The following ERI1 variants were observed in gnomAD, a reference collection of about 807,000 sequenced individuals.
ERI1 encodes the protein 3'-5' exoribonuclease 1.
A neutral mutation model predicts 39.7 loss-of-function variants in ERI1; 39 were observed. That is an observed-to-expected ratio of 0.98 (90% CI 0.76 to 1.28). The LOEUF (loss-of-function observed/expected upper bound fraction) is 1.28, where lower values mean the gene tolerates loss of function less well. Ranked by LOEUF, ERI1 falls within the 50% of genes most tolerant of loss-of-function variation. ERI1 has a pLI of 0.00. For missense variants in ERI1, 581 were observed against 416.9 expected, an observed-to-expected ratio of 1.39 and a Z score of -3.43; for synonymous variants, 204 against 149.6, an observed-to-expected ratio of 1.36 and a Z score of -2.65.
Position 9,025,700 on chromosome 8 carries a change from T to TGTGTG in ERI1, c.808-4092_808-4091insGTGTG, listed in dbSNP as rs1554519247. On this transcript the variant is annotated intron_variant, in intron 6 of 6. Transcript: ENST00000250263. ...AGGACTTTTCATTTTAATCTTTTTT[T>TGTGTG]TTTGTGTGTGTGTGTGTGTGTGTGT... Among the ~76,000 whole-genome samples, 12 of 81,570 alleles carry TGTGTG rather than the reference T, an allele frequency of 1.5e-4. No homozygotes were observed. In the East Asian group the frequency reaches 4.4e-3, roughly 30 times the overall value. The allele number at this position is 81,570 out of a possible 152,430, so 53.5% of individuals were successfully genotyped here.
intron 3 of ERI1, among the ~76,000 whole-genome samples, chr8:9,097,480 C>T (rs1173544658): frequency 6.6e-6 from 1 of 151,860 alleles, no homozygotes. Flanking sequence ...ACCAGCCTGG[C>T]CAACATGGTA....
chr8:9,089,612 C>G (rs1799642122), intron 3 of ERI1, among the ~76,000 whole-genome samples: 1 of 152,138 alleles, frequency 6.6e-6, no homozygotes. Context: ...CTGGCTCTAC[C>G]TTCAGAACTC....
chr8:9,037,513 T>A (rs1472037852), downstream of ERI1, among the ~76,000 whole-genome samples: 1 of 151,822 alleles, frequency 6.6e-6, no homozygotes, highest in Non-Finnish European at 1.5e-5. Flanking sequence ...TTTTTTTTTC[T>A]GTTTCCCCAA....
chr8:9,011,081 C>T (rs996179126), intron 2 of ERI1, among the ~76,000 whole-genome samples: 1 of 151,990 alleles, frequency 6.6e-6, no homozygotes, highest in African/African-American at 2.4e-5. Context: ...CCTACAAAAG[C>T]CAAAAGAAAG....
At chr8:9,005,043 A>C (rs1231626014) in intron 1 of ERI1, among the ~76,000 whole-genome samples, 2 of 152,168 alleles carry the variant, frequency 1.3e-5, no homozygotes, top group Non-Finnish European at 2.9e-5. Flanking sequence ...TCAGGTGGTA[A>C]ATTTCCATTA....
intron 6 of ERI1, among the ~76,000 whole-genome samples, chr8:9,021,630 C>G (rs373911299): frequency 6.6e-6 from 1 of 152,082 alleles, no homozygotes; most frequent in African/African-American, 2.4e-5. Context: ...GGAGTTAACC[C>G]TAATTCTTCC....
At chr8:9,004,105 G>T in intron 1 of ERI1, 1 of 1,289,216 alleles carries the variant, frequency 7.8e-7, no homozygotes, top group Non-Finnish European at 1.0e-6. Flanking sequence ...CTTTGACATT[G>T]GAAAGAAGGT....
At chr8:9,013,883 G>C (rs1280966133) in intron 3 of ERI1, among the ~76,000 whole-genome samples, 1 of 152,094 alleles carries the variant, frequency 6.6e-6, no homozygotes, top group Admixed American at 6.6e-5. Context: ...CCAGAACCCA[G>C]TCACTTAACT....
chr8:9,015,639 G>A (rs908783080), intron 3 of ERI1, among the ~76,000 whole-genome samples: 5 of 149,160 alleles, frequency 3.4e-5, no homozygotes, highest in African/African-American at 1.2e-4. Flanking sequence ...GGAGAATGGC[G>A]TGAACCTGGG....
downstream of ERI1, among the ~76,000 whole-genome samples, chr8:9,036,318 C>T (rs1797844059): frequency 6.6e-6 from 1 of 152,156 alleles, no homozygotes; most frequent in Non-Finnish European, 1.5e-5. Context: ...TCATTGTTGT[C>T]TCATTTTGAG....
At chr8:9,083,362 C>T (rs932391773) in intron 3 of ERI1, among the ~76,000 whole-genome samples, 2 of 152,040 alleles carry the variant, frequency 1.3e-5, no homozygotes, top group African/African-American at 4.8e-5. Context: ...GAAAGCATAC[C>T]GTAACAAGAG....
chr8:9,027,577 C>T (rs1258887226), intron 6 of ERI1, among the ~76,000 whole-genome samples: 2 of 152,058 alleles, frequency 1.3e-5, no homozygotes, highest in Non-Finnish European at 2.9e-5. Context: ...AAGCCTTTTC[C>T]ATATGTTTTA....
intron 1 of ERI1, among the ~76,000 whole-genome samples, chr8:9,006,465 T>G (rs140545919): frequency 2.0e-5 from 3 of 152,220 alleles, no homozygotes; most frequent in African/African-American, 4.8e-5. Flanking sequence ...TTAAATTAAC[T>G]GAGACATCTG....
chr8:9,031,517 A>G lies in ERI1; in HGVS notation c.*1483A>G, dbSNP rs1011679975. On this transcript the variant is annotated 3_prime_UTR_variant, in exon 7 of 7. Transcript: ENST00000250263. ...TTAACTCTTAGGATAAGAGGGATGT[A>G]TGCTGAGATGTTTGTGCATCCCAGA... 1 of 152,240 alleles carries G rather than the reference A, an allele frequency of 6.6e-6. No individual in the cohort carries two copies. The highest frequency in any genetic ancestry group is 2.4e-5 in the African/African-American group (1 of 41,466). The allele number at this position is 152,240 out of a possible 1,614,324, so 9.4% of individuals were successfully genotyped here.
chr8:9,071,723 T>G (rs566110396), intron 3 of ERI1, among the ~76,000 whole-genome samples: 1 of 152,138 alleles, frequency 6.6e-6, no homozygotes, highest in Non-Finnish European at 1.5e-5. Flanking sequence ...CATCACACCT[T>G]TGGTTTTTGA....
chr8:9,004,682 T>C (rs1468250177), intron 1 of ERI1, among the ~76,000 whole-genome samples: 2 of 147,912 alleles, frequency 1.4e-5, no homozygotes, highest in African/African-American at 5.0e-5. Flanking sequence ...ATAGTAATGA[T>C]ACTTTTTTTT....
At chr8:9,009,028 G>A (rs1280494752) in intron 2 of ERI1, 1 of 456,112 alleles carries the variant, frequency 2.2e-6, no homozygotes, top group African/African-American at 2.0e-5. Flanking sequence ...TTTCTGTTAT[G>A]AAGGTACAAC....
chr8:9,074,928 GC>G (rs1799159983), intron 3 of ERI1, among the ~76,000 whole-genome samples: 1 of 152,182 alleles, frequency 6.6e-6, no homozygotes, highest in Non-Finnish European at 1.5e-5. Flanking sequence ...ACAAGAGCAA[GC>G]CTGCCCCCAC....
At chr8:9,089,399 G>A (rs922504565) in intron 3 of ERI1, among the ~76,000 whole-genome samples, 5 of 152,156 alleles carry the variant, frequency 3.3e-5, no homozygotes, top group Admixed American at 2.6e-4. Context: ...GCTACCACAC[G>A]CAGCCTGGAT....
Sources: allele counts gnomAD v4.1 joint callset (sites outside exome capture counted in the v4.1 genomes callset), GRCh38; gene constraint gnomAD v4.1.1; transcripts MANE v1.5; gene names NCBI Gene and HGNC (gene_info 2026-07-23, HGNC 2026-07-21).